SOX5: variants seen among roughly 807,000 people sequenced by gnomAD.
SOX5 encodes the protein transcription factor SOX-5.
SOX5 carries 9 observed loss-of-function variants against 92.0 expected under a neutral mutation model. The observed-to-expected ratio is 0.10, with a 90% confidence interval of 0.06 to 0.17. The LOEUF (loss-of-function observed/expected upper bound fraction) is 0.17, where lower values mean the gene tolerates loss of function less well. Among genes scored for constraint, SOX5 ranks in the 10% least tolerant of loss-of-function variants. The pLI, the probability that SOX5 is intolerant of heterozygous loss-of-function variation, is 1.00. For synonymous variants in SOX5, 344 were observed against 336.3 expected, an observed-to-expected ratio of 1.02 and a Z score of -0.25; for missense variants, 642 against 944.5, an observed-to-expected ratio of 0.68 and a Z score of 4.20.
intron 1 of SOX5, among the ~76,000 whole-genome samples, chr12:24,446,647 G>A (rs1941522063): frequency 6.6e-6 from 1 of 152,150 alleles, no homozygotes; most frequent in African/African-American, 2.4e-5. Flanking sequence ...TAGTGCAAGT[G>A]GGGGTGATTA....
intron 8 of SOX5, among the ~76,000 whole-genome samples, chr12:23,616,389 G>A (rs2076556478): frequency 6.6e-6 from 1 of 152,148 alleles, no homozygotes; most frequent in Non-Finnish European, 1.5e-5. Context: ...ACAGACCATG[G>A]GGGAAAAGTG....
intron 3 of SOX5, chr12:24,227,661 A>G (rs1338018861): frequency 6.6e-6 from 1 of 152,184 alleles, no homozygotes; most frequent in African/African-American, 2.4e-5. Context: ...CAGCAAAATC[A>G]TTGCTAATAT....
intron 6 of SOX5, 26 bp from the exon 7 acceptor site, chr12:23,665,590 A>G (rs1425143709): frequency 6.3e-7 from 1 of 1,583,128 alleles, no homozygotes; most frequent in South Asian, 1.2e-5. Context: ...GAGCGAATCA[A>G]AGAGAAGAAG....
intron 3 of SOX5, among the ~76,000 whole-genome samples, chr12:24,263,193 C>G (rs1377385205): frequency 1.3e-5 from 2 of 151,960 alleles, no homozygotes; most frequent in African/African-American, 4.8e-5. Flanking sequence ...CCACTGCACT[C>G]CAGCCTGGCT....
At chr12:23,622,217 A>G (rs1219165983) in intron 8 of SOX5, among the ~76,000 whole-genome samples, 2 of 152,094 alleles carry the variant, frequency 1.3e-5, no homozygotes, top group Admixed American at 6.6e-5. Flanking sequence ...CTGCCCAAAT[A>G]TAATTTAATT....
intron 4 of SOX5, among the ~76,000 whole-genome samples, chr12:24,174,820 CA>C (rs35846392): frequency 4.2e-5 from 6 of 142,118 alleles, no homozygotes; most frequent in Non-Finnish European, 3.1e-5. Flanking sequence ...ACTTCCATCT[CA>C]AAAAAAAAAG....
chr12:24,335,638 G>A (rs886744158), intron 2 of SOX5, among the ~76,000 whole-genome samples: 1 of 152,016 alleles, frequency 6.6e-6, no homozygotes, highest in East Asian at 1.9e-4. Flanking sequence ...ATCCTTGGAG[G>A]AATTAAAATA....
At chr12:23,998,803 CAA>C (rs34135570) in intron 4 of SOX5, among the ~76,000 whole-genome samples, 6 of 68,070 alleles carry the variant, frequency 8.8e-5, no homozygotes, top group African/African-American at 1.4e-4. Flanking sequence ...GACTCAGTCT[CAA>C]AAAAAAAAAA....
chr12:24,387,351 A>ATT (rs549235390), intron 1 of SOX5, among the ~76,000 whole-genome samples: 1 of 152,032 alleles, frequency 6.6e-6, no homozygotes, highest in Admixed American at 6.6e-5. Context: ...AAACATTGAG[A>ATT]TTTTTTTGCA....
intron 4 of SOX5, among the ~76,000 whole-genome samples, chr12:24,132,797 T>TA (rs1297919012): frequency 2.0e-5 from 3 of 152,028 alleles, no homozygotes; most frequent in East Asian, 1.9e-4. Context: ...CTAACATTCT[T>TA]AAAAAAACAG....
intron 2 of SOX5, among the ~76,000 whole-genome samples, chr12:24,362,488 A>C (rs1231410009): frequency 1.3e-5 from 2 of 152,206 alleles, no homozygotes; most frequent in Non-Finnish European, 2.9e-5. Flanking sequence ...TGTAGACATT[A>C]ATACTTAAGA....
At chr12:24,181,998 T>C (rs1296904791) in intron 4 of SOX5, among the ~76,000 whole-genome samples, 1 of 152,196 alleles carries the variant, frequency 6.6e-6, no homozygotes, top group Non-Finnish European at 1.5e-5. Flanking sequence ...ACCAGATTTG[T>C]TTTCCATTAA....
intron 10 of SOX5, among the ~76,000 whole-genome samples, chr12:23,568,291 A>G (rs1009964366): frequency 2.0e-5 from 3 of 152,112 alleles, no homozygotes; most frequent in Non-Finnish European, 4.4e-5. Flanking sequence ...TCCAGAAGGA[A>G]CCCACCCTGC....
chr12:24,379,855 T>C (rs1957644316), intron 1 of SOX5, among the ~76,000 whole-genome samples: 1 of 148,976 alleles, frequency 6.7e-6, no homozygotes, highest in East Asian at 2.0e-4. Flanking sequence ...GAGTCCTAAT[T>C]ATTACACCTT....
At chr12:24,055,056 A>C (rs963574580) in intron 4 of SOX5, among the ~76,000 whole-genome samples, 1 of 98,486 alleles carries the variant, frequency 1.0e-5, no homozygotes, top group African/African-American at 2.8e-5. Context: ...CAAAATTTTC[A>C]AAAAAAAATG....
chr12:23,965,225 T>C (rs890181649), intron 4 of SOX5, among the ~76,000 whole-genome samples: 6 of 152,156 alleles, frequency 3.9e-5, no homozygotes, highest in African/African-American at 1.4e-4. Flanking sequence ...TCCACATTCA[T>C]TGTCCGGAAC....
At chr12:24,269,835 T>G (rs1428197274) in intron 3 of SOX5, among the ~76,000 whole-genome samples, 1 of 136,232 alleles carries the variant, frequency 7.3e-6, no homozygotes, top group Non-Finnish European at 1.5e-5. Flanking sequence ...TGTTCCACCA[T>G]GCAATTTTTT....
At chr12:24,432,564 C>T (rs890593901) in intron 1 of SOX5, among the ~76,000 whole-genome samples, 8 of 151,984 alleles carry the variant, frequency 5.3e-5, no homozygotes, top group Admixed American at 4.6e-4. Flanking sequence ...CCTGTAATCC[C>T]AGCACTTTGG....
intron 3 of SOX5, among the ~76,000 whole-genome samples, chr12:23,778,812 G>A (rs1317772524): frequency 6.6e-6 from 1 of 152,148 alleles, no homozygotes; most frequent in African/African-American, 2.4e-5. Context: ...AGAGAGTGGT[G>A]AGACTCAAGG....
Sources: gnomAD v4.1 joint callset for allele counts (sites outside exome capture counted in the v4.1 genomes callset) on GRCh38, gnomAD v4.1.1 for gene constraint, MANE v1.5 for transcripts, NCBI Gene and HGNC (gene_info 2026-07-23, HGNC 2026-07-21) for gene names.